PCDHGB4: variants seen among roughly 807,000 people sequenced by gnomAD.
PCDHGB4 encodes the protein protocadherin gamma subfamily B, 4.
PCDHGB4 carries 38 observed loss-of-function variants against 60.5 expected under a neutral mutation model. The ratio of observed to expected loss-of-function variants is 0.63; its 90% confidence interval spans 0.48 to 0.82. The LOEUF is 0.82. PCDHGB4 is among the 40% of genes least tolerant of loss of function. The pLI, the probability that PCDHGB4 is intolerant of heterozygous loss-of-function variation, is 0.00. For synonymous variants in PCDHGB4, 456 were observed against 509.7 expected (o/e 0.89, Z 1.42); for missense variants, 1,109 against 1,209.6 (o/e 0.92, Z 1.23).
chr5:141,390,749 ACT>A (rs2092225079), intron 1 of PCDHGB4: 1 of 170,960 alleles, frequency 5.8e-6, no homozygotes, highest in Admixed American at 5.7e-5. Flanking sequence ...ATAGTAGTCC[ACT>A]GTTTTGTTTC....
chr5:141,398,264 T>C lies in PCDHGB4; in HGVS notation c.2397+7983T>C, dbSNP rs370063277. On this transcript the variant is annotated intron_variant, in intron 1 of 3. Transcript: ENST00000519479. ...CCCGAGGAAATGCCCAAGGGCTCCG[T>C]AGTGGGGAACCTCGCCACGGACCTG... 2,051 of 1,443,238 alleles carry C rather than the reference T, an allele frequency of 1.4e-3. 29 individuals carry two copies. In the African/African-American group the frequency reaches 0.026, roughly 18 times the overall value. 89.4% of individuals were successfully genotyped at this position (1,443,238 alleles called of 1,614,324 possible).
chr5:141,451,330 T>C (rs1335156581), intron 1 of PCDHGB4, among the ~76,000 whole-genome samples: 2 of 152,200 alleles, frequency 1.3e-5, no homozygotes, highest in East Asian at 1.9e-4. Context: ...CCTAAGGCTA[T>C]TGTCTTATCT....
At chr5:141,419,254 C>A in intron 1 of PCDHGB4, 1 of 1,614,020 alleles carries the variant, frequency 6.2e-7, no homozygotes, top group Non-Finnish European at 8.5e-7. Context: ...CAGAAAACAA[C>A]CAGCCGGGTG....
intron 1 of PCDHGB4, chr5:141,393,263 A>T: frequency 6.2e-7 from 1 of 1,613,926 alleles, no homozygotes; most frequent in African/African-American, 1.3e-5. Flanking sequence ...TTCCTGGAGC[A>T]CGTTATCCAC....
At chr5:141,509,536 A>T (rs778275338) in intron 3 of PCDHGB4, among the ~76,000 whole-genome samples, 1 of 152,130 alleles carries the variant, frequency 6.6e-6, no homozygotes, top group Non-Finnish European at 1.5e-5. Context: ...AGGATGAAGC[A>T]CCATCTCATT....
chr5:141,475,862 T>G, intron 1 of PCDHGB4: 1 of 492,756 alleles, frequency 2.0e-6, no homozygotes, highest in Non-Finnish European at 3.6e-6. Context: ...GCTAGCTCAT[T>G]CTTCGTGCAG....
Position 141,477,403 on chromosome 5 carries a change from C to T in PCDHGB4, c.2398-17404C>T, listed in dbSNP as rs1329599078. 2 of 1,614,164 alleles carry T rather than the reference C, an allele frequency of 1.2e-6. No individual in the cohort carries two copies. Among genetic ancestry groups the T allele is most frequent in the Non-Finnish European group, 1.7e-6 (2 of 1,180,042 alleles). ...CAGAATACAACCTCAGCATCACCGC[C>T]CGAGACGCCGGAACCCCTTCCCTCT... is the stretch of plus-strand genomic sequence containing the variant. On this transcript the variant is annotated intron_variant, in intron 1 of 3. Transcript: ENST00000519479. The surrounding 1 kb of genome is among the most constrained non-coding windows in gnomAD (Gnocchi z 4.9).
intron 3 of PCDHGB4, 110 bp from the exon 4 acceptor site, chr5:141,510,837 G>A (rs969654751): frequency 1.3e-6 from 2 of 1,586,392 alleles, no homozygotes; most frequent in Non-Finnish European, 8.6e-7. Context: ...GCTCAGCGTG[G>A]TCAAGGCCCA....
intron 1 of PCDHGB4, among the ~76,000 whole-genome samples, chr5:141,481,400 T>C (rs2154578591): frequency 6.6e-6 from 1 of 152,358 alleles, no homozygotes; most frequent in East Asian, 1.9e-4. Context: ...GTGACAAAAT[T>C]CTTGTATAAT....
At chr5:141,443,790 T>A (rs1178101439) in intron 1 of PCDHGB4, among the ~76,000 whole-genome samples, 2 of 151,832 alleles carry the variant, frequency 1.3e-5, no homozygotes, top group Admixed American at 6.6e-5. Flanking sequence ...ACAAAAAAAA[T>A]GAAAAGGAAA....
chr5:141,473,263 T>C (rs2099318134), intron 1 of PCDHGB4, among the ~76,000 whole-genome samples: 1 of 152,210 alleles, frequency 6.6e-6, no homozygotes, highest in African/African-American at 2.4e-5. Context: ...GTCCTTAGTG[T>C]ATGCTATGAT....
intron 1 of PCDHGB4, chr5:141,475,832 T>C: frequency 2.4e-6 from 1 of 410,610 alleles, no homozygotes; most frequent in Non-Finnish European, 4.4e-6. Flanking sequence ...CTAGCGCGTG[T>C]CCTGCTCAGA....
rs2092035559 is a variant in PCDHGB4, at chr5:141,390,066, G to A, written c.2182G>A (p.Gly728Ser). The A allele has an allele frequency of 1.2e-6, 2 of 1,614,052 alleles. No homozygotes were observed. The highest frequency in any genetic ancestry group is 2.2e-5 in the East Asian group (1 of 44,886). Residue 728 changes from glycine (G) to serine (S), a missense_variant, in exon 1 of 4, where the codon GGT becomes AGT. Physicochemically the swap from Gly to Ser is moderately conservative, Grantham distance 56 (BLOSUM62 0). This residue lies in a region of PCDHGB4 where 1,068 missense variants were observed against 1,089.9 expected (regional missense o/e 0.98). Transcript: ENST00000519479. ...SPASWSCFQP[G>S]LCVKSESVVP... Reference sequence around the variant, plus strand: ...CGCCTCCTGGAGCTGCTTCCAGCCTGGTCTCTGTGTTAAATCCGAATCCGT... The same window carrying A: ...CGCCTCCTGGAGCTGCTTCCAGCCTAGTCTCTGTGTTAAATCCGAATCCGT...
chr5:141,428,111 C>G (rs760446304), intron 1 of PCDHGB4: 2 of 1,607,622 alleles, frequency 1.2e-6, no homozygotes, highest in Non-Finnish European at 1.7e-6. Context: ...TGCTGCAGGC[C>G]ATCGAGCCCG....
intron 1 of PCDHGB4, chr5:141,419,444 G>A: frequency 6.2e-7 from 1 of 1,613,088 alleles, no homozygotes; most frequent in Non-Finnish European, 8.5e-7. Context: ...GCGCACCTTC[G>A]AGCTCACGCT....
chr5:141,496,589 G>A (rs914585858), intron 2 of PCDHGB4, among the ~76,000 whole-genome samples: 7 of 152,124 alleles, frequency 4.6e-5, no homozygotes, highest in Admixed American at 6.5e-5. Flanking sequence ...AACGCAAAGC[G>A]CTTCTTAGAA....
intron 1 of PCDHGB4, chr5:141,415,585 C>T: frequency 6.2e-7 from 1 of 1,613,900 alleles, no homozygotes; most frequent in Non-Finnish European, 8.5e-7. Context: ...TTCGAAGTTT[C>T]CTATAGAGGA....
At position 141,490,712 on chromosome 5, in the gene PCDHGB4, A is replaced by T; in HGVS notation, c.2398-4095A>T. The stretch of plus-strand genomic sequence containing the variant: ...ACTGGGGATAATGCCCGCCTCACCT[A>T]CTCCATTGTAGGAAATCAGGTTCAG... On this transcript the variant is annotated intron_variant, in intron 1 of 3. Transcript: ENST00000519479. The surrounding 1 kb of genome is among the most constrained non-coding windows in gnomAD (Gnocchi z 5.4). The T allele has an allele frequency of 6.2e-7, 1 of 1,613,686 alleles. No homozygotes were observed. The highest frequency in any genetic ancestry group is 8.5e-7 in the Non-Finnish European group (1 of 1,179,894).
At chr5:141,494,889 A>G (rs2099757275) in intron 2 of PCDHGB4, 24 bp downstream of exon 2, 1 of 1,613,844 alleles carries the variant, frequency 6.2e-7, no homozygotes, top group Admixed American at 1.7e-5. Context: ...TCTCCAGCCC[A>G]CCCTCTTCTC....
Sources: allele counts gnomAD v4.1 joint callset (sites outside exome capture counted in the v4.1 genomes callset), GRCh38; gene constraint gnomAD v4.1.1; regional missense constraint gnomAD v4.1.1; non-coding constraint Gnocchi (gnomAD v3.1); transcripts MANE v1.5; gene names NCBI Gene and HGNC (gene_info 2026-07-23, HGNC 2026-07-21).